HDAC9: variants seen among roughly 807,000 people sequenced by gnomAD.
HDAC9 encodes MEF-2 interacting transcription repressor (MITR) protein.
A neutral mutation model predicts 139.4 loss-of-function variants in HDAC9; 41 were observed. The ratio of observed to expected loss-of-function variants is 0.29; its 90% CI spans 0.23 to 0.38. The LOEUF is 0.38. HDAC9 is among the 10% of genes least tolerant of loss of function. The pLI, the probability that HDAC9 is intolerant of heterozygous loss-of-function variation, is 1.00. For synonymous variants in HDAC9, 517 were observed against 476.2 expected (o/e 1.09, Z -1.12); for missense variants, 1,147 against 1,297.0 (o/e 0.88, Z 1.78).
At chr7:18,702,747 T>C (rs1041769824) in intron 12 of HDAC9, among the ~76,000 whole-genome samples, 1 of 152,206 alleles carries the variant, frequency 6.6e-6, no homozygotes, top group Non-Finnish European at 1.5e-5. Flanking sequence ...ACAATTAGAA[T>C]TACCATTTCC....
At chr7:18,994,710 CTTTA>C (rs948596673) in intron 25 of HDAC9, among the ~76,000 whole-genome samples, 9 of 152,284 alleles carry the variant, frequency 5.9e-5, no homozygotes, top group South Asian at 2.1e-4. Context: ...TAAGCTACTA[CTTTA>C]TTTGTCAGCA....
chr7:18,869,662 C>T lies in HDAC9; in HGVS notation c.2685-4816C>T, dbSNP rs370879095. Among the ~76,000 whole-genome samples the T allele has an allele frequency of 4.7e-4, 71 of 152,272 alleles. 1 individual carries two copies. Among genetic ancestry groups the T allele is most frequent in the African/African-American group, 1.6e-3 (67 of 41,564 alleles). ...ATAGCGCTGAAACTGAATTGGAGGA[C>T]ACCCAGCAGACATCCACTGCTTGGC... On this transcript the variant is annotated intron_variant, in intron 21 of 25. Coordinates refer to ENST00000686413, the MANE Select transcript of HDAC9 (RefSeq NM_178425.4).
Position 18,727,571 on chromosome 7 carries a change from T to G in HDAC9, c.1732-9T>G, listed in dbSNP as rs754466478. ...ATTTCTTTCTACTGTGCTCTTTTCT[T>G]GGCAACAGCCTTTCCTGGAACCCAC... is the stretch of plus-strand genomic sequence containing the variant. On this transcript the variant is annotated splice_polypyrimidine_tract_variant and intron_variant, in intron 12 of 25. Coordinates refer to ENST00000686413, the MANE Select transcript of HDAC9 (RefSeq NM_178425.4). 3.2e-6 allele frequency: 5 copies of G among 1,584,602 alleles called. No homozygotes were observed. Among genetic ancestry groups the G allele is most frequent in the Non-Finnish European group, 3.4e-6 (4 of 1,166,194 alleles).
intron 21 of HDAC9, among the ~76,000 whole-genome samples, chr7:18,844,294 G>A (rs188280500): frequency 5.9e-5 from 9 of 152,192 alleles, no homozygotes; most frequent in Admixed American, 5.9e-4. Context: ...GCTTATGAAC[G>A]ACAAAGCTTC....
At chr7:18,568,933 G>T (rs1436966644) in intron 2 of HDAC9, among the ~76,000 whole-genome samples, 1 of 152,070 alleles carries the variant, frequency 6.6e-6, no homozygotes, top group African/African-American at 2.4e-5. Context: ...TGTAATACCA[G>T]CTACTCAGGA....
chr7:18,658,184 T>C (rs1209867626), intron 11 of HDAC9, among the ~76,000 whole-genome samples: 1 of 152,134 alleles, frequency 6.6e-6, no homozygotes, highest in Non-Finnish European at 1.5e-5. Context: ...AGTTTCATTT[T>C]TCAGTTGCTA....
chr7:18,248,727 G>T (rs541165405), intron 2 of HDAC9, among the ~76,000 whole-genome samples: 1 of 152,238 alleles, frequency 6.6e-6, no homozygotes, highest in South Asian at 2.1e-4. Flanking sequence ...CAAGGCTGTG[G>T]GAAGGAACGT....
chr7:18,243,205 A>G (rs1319283498), intron 2 of HDAC9, among the ~76,000 whole-genome samples: 2 of 152,228 alleles, frequency 1.3e-5, no homozygotes, highest in African/African-American at 4.8e-5. Context: ...TTGGGAAAAT[A>G]TACAGGAAAA....
At chr7:18,436,700 A>T (rs1457030440) in intron 1 of HDAC9, among the ~76,000 whole-genome samples, 1 of 152,254 alleles carries the variant, frequency 6.6e-6, no homozygotes, top group East Asian at 1.9e-4. Flanking sequence ...GCATGTGCTA[A>T]GTGAGGCTTC....
intron 16 of HDAC9, among the ~76,000 whole-genome samples, chr7:18,778,632 G>A (rs1790980978): frequency 6.6e-6 from 1 of 151,996 alleles, no homozygotes; most frequent in African/African-American, 2.4e-5. Flanking sequence ...CACTGAAATT[G>A]GATAACAATA....
At chr7:18,968,270 T>C (rs1222230968) in intron 24 of HDAC9, among the ~76,000 whole-genome samples, 1 of 152,226 alleles carries the variant, frequency 6.6e-6, no homozygotes, top group East Asian at 1.9e-4. Flanking sequence ...TATAGTAATA[T>C]TGAACCATTT....
At chr7:18,381,610 A>T (rs2128714047) in intron 1 of HDAC9, among the ~76,000 whole-genome samples, 1 of 152,254 alleles carries the variant, frequency 6.6e-6, no homozygotes, top group South Asian at 2.1e-4. Flanking sequence ...TTTTTTATTA[A>T]GTAAGAAAAA....
At chr7:18,258,628 A>G (rs939016254) in intron 2 of HDAC9, among the ~76,000 whole-genome samples, 1 of 152,246 alleles carries the variant, frequency 6.6e-6, no homozygotes, top group East Asian at 1.9e-4. Context: ...AGAAGAAACT[A>G]GCTCAGAGAA....
At chr7:18,649,130 G>A (rs1028152636) in intron 11 of HDAC9, among the ~76,000 whole-genome samples, 1 of 152,120 alleles carries the variant, frequency 6.6e-6, no homozygotes, top group Non-Finnish European at 1.5e-5. Flanking sequence ...TTTATTTTGC[G>A]AATGCCCCAC....
intron 22 of HDAC9, among the ~76,000 whole-genome samples, chr7:18,894,554 A>G (rs1462809860): frequency 1.3e-5 from 2 of 152,152 alleles, no homozygotes; most frequent in Non-Finnish European, 2.9e-5. Context: ...ATGAGTTAAA[A>G]GCCTGATTAG....
At chr7:18,719,357 T>G (rs1584909109) in intron 12 of HDAC9, among the ~76,000 whole-genome samples, 1 of 134,964 alleles carries the variant, frequency 7.4e-6, no homozygotes, top group Non-Finnish European at 1.5e-5. Context: ...TTTTTTTTTT[T>G]GAGATGGAGT....
chr7:18,249,697 AT>A (rs1193968615), intron 2 of HDAC9, among the ~76,000 whole-genome samples: 1 of 151,766 alleles, frequency 6.6e-6, no homozygotes, highest in Non-Finnish European at 1.5e-5. Flanking sequence ...AGGTATTTCC[AT>A]TTTTTTCTGG....
chr7:18,522,000 G>C (rs780261606), intron 2 of HDAC9, among the ~76,000 whole-genome samples: 5 of 152,148 alleles, frequency 3.3e-5, no homozygotes, highest in Non-Finnish European at 5.9e-5. Flanking sequence ...TATCATTCTT[G>C]AGAAATGGTG....
At chr7:18,211,523 C>T (rs1791935748) in intron 2 of HDAC9, among the ~76,000 whole-genome samples, 1 of 152,168 alleles carries the variant, frequency 6.6e-6, no homozygotes, top group South Asian at 2.1e-4. Context: ...GTACAGTATT[C>T]TATGGACATT....
Sources: gnomAD v4.1 joint callset for allele counts (sites outside exome capture counted in the v4.1 genomes callset) on GRCh38, gnomAD v4.1.1 for gene constraint, MANE v1.5 for transcripts, NCBI Gene and HGNC (gene_info 2026-07-23, HGNC 2026-07-21) for gene names.